The following DAGLA variants were observed in gnomAD, a reference collection of about 807,000 sequenced individuals.
DAGLA encodes the protein diacylglycerol lipase-alpha.
Under a neutral mutation model 102.6 loss-of-function variants are expected in DAGLA, and 22 were observed. The ratio of observed to expected loss-of-function variants is 0.21; its 90% confidence interval spans 0.15 to 0.31. The LOEUF is 0.31. DAGLA is among the 10% of genes least tolerant of loss of function. The pLI, the probability that DAGLA is intolerant of heterozygous loss-of-function variation, is 1.00. For synonymous variants in DAGLA, 578 were observed against 628.9 expected, an observed-to-expected ratio of 0.92 and a Z score of 1.21; for missense variants, 927 against 1,446.6, an observed-to-expected ratio of 0.64 and a Z score of 5.83.
intron 1 of DAGLA, among the ~76,000 whole-genome samples, chr11:61,694,632 G>A (rs1379915836): frequency 3.3e-5 from 5 of 152,204 alleles, no homozygotes; most frequent in Non-Finnish European, 5.9e-5. Flanking sequence ...GCCAGGCTTT[G>A]TGTCTGATAC....
chr11:61,697,179 C>T (rs758310053), intron 1 of DAGLA, among the ~76,000 whole-genome samples: 1 of 152,214 alleles, frequency 6.6e-6, no homozygotes, highest in Non-Finnish European at 1.5e-5. Context: ...TCCAGTGACT[C>T]TGATGAGGCT....
rs2065478423 is a variant in DAGLA, at chr11:61,741,359, G to C, written c.2171+10G>C. The C allele has an allele frequency of 2.5e-6, 4 of 1,601,654 alleles. No individual in the cohort carries two copies. In the African/African-American group the frequency reaches 4.0e-5, roughly 16 times the overall value. On this transcript the variant is annotated intron_variant, in intron 19 of 19. Transcript: ENST00000257215. ...GCAACAGCAGCGTCAGGTGAGCCTT[G>C]GCCACTCCCAGCCCCACCCCAGGGT...
At chr11:61,700,705 CCCTGCAGT>C (rs1382582209) in intron 1 of DAGLA, among the ~76,000 whole-genome samples, 1 of 152,236 alleles carries the variant, frequency 6.6e-6, no homozygotes, top group Non-Finnish European at 1.5e-5. Flanking sequence ...GTGCCTCCCT[CCCTGCAGT>C]CCTGCACAGC....
chr11:61,695,331 C>G (rs1056097489), intron 1 of DAGLA, among the ~76,000 whole-genome samples: 1 of 152,214 alleles, frequency 6.6e-6, no homozygotes, highest in African/African-American at 2.4e-5. Flanking sequence ...GCATCAGTGT[C>G]GGAGCTCTGT....
At chr11:61,725,932 T>C in intron 5 of DAGLA, 63 bp from the exon 6 acceptor site, 3 of 1,469,422 alleles carry the variant, frequency 2.0e-6, no homozygotes, top group Non-Finnish European at 2.9e-6. Context: ...CCATAACGTC[T>C]GGGTCCCAGC....
rs551433572 is a variant in DAGLA, at chr11:61,722,977, C to G, written c.409+17C>G. 13 of 1,587,574 alleles carry G rather than the reference C, an allele frequency of 8.2e-6. No homozygotes were observed. The highest frequency in any genetic ancestry group is 1.3e-5 in the African/African-American group (1 of 74,364). Reference sequence around the variant, plus strand: ...TCACCCTCGGTACGTCTGGGTGAGGCCTGCTGGAGCCTCAGCAGCCCCGGG... The same window carrying G: ...TCACCCTCGGTACGTCTGGGTGAGGGCTGCTGGAGCCTCAGCAGCCCCGGG... On this transcript the variant is annotated intron_variant, in intron 4 of 19. Transcript: ENST00000257215.
intron 9 of DAGLA, among the ~76,000 whole-genome samples, chr11:61,731,934 G>A (rs2065378871): frequency 6.6e-6 from 1 of 152,148 alleles, no homozygotes; most frequent in African/African-American, 2.4e-5. Context: ...ATCCATAGAG[G>A]TCTTTGAAAA....
At chr11:61,681,038 A>G (rs1005000012) in intron 1 of DAGLA, among the ~76,000 whole-genome samples, 17 of 152,178 alleles carry the variant, frequency 1.1e-4, no homozygotes, top group African/African-American at 4.1e-4. Context: ...AGTTCCTGGC[A>G]TGACTGTGAG....
chr11:61,729,429 G>A (rs1434666651), intron 8 of DAGLA, among the ~76,000 whole-genome samples: 1 of 152,160 alleles, frequency 6.6e-6, no homozygotes, highest in Non-Finnish European at 1.5e-5. Flanking sequence ...GAAAGGTGGT[G>A]CCAGTAACAT....
chr11:61,693,285 G>T (rs529079905), intron 1 of DAGLA, among the ~76,000 whole-genome samples: 1 of 151,528 alleles, frequency 6.6e-6, no homozygotes, highest in African/African-American at 2.4e-5. Context: ...ACTGCACCCA[G>T]CTAGTTTCTA....
intron 1 of DAGLA, among the ~76,000 whole-genome samples, 155 bp from the exon 2 acceptor site, chr11:61,719,957 C>A (rs1591040837): frequency 6.6e-6 from 1 of 152,212 alleles, no homozygotes; most frequent in Non-Finnish European, 1.5e-5. Flanking sequence ...TGTGTTGGCT[C>A]CTGCCCGGAG....
In DAGLA at chr11:61,720,100, G is replaced by T. The variant is rs999756581; in HGVS notation, c.-44-12G>T. On this transcript the variant is annotated splice_polypyrimidine_tract_variant and intron_variant, in intron 1 of 19. Transcript: ENST00000257215. ...TCCTCAGGCAGCTATAAGGTCCTCT[G>T]CTTTCTTTCAGGAGGTGAGCACCAG... is the stretch of plus-strand genomic sequence containing the variant. 9 of 1,584,214 alleles carry T rather than the reference G, an allele frequency of 5.7e-6. No individual in the cohort carries two copies. The highest frequency in any genetic ancestry group is 6.9e-6 in the Non-Finnish European group (8 of 1,161,518).
intron 6 of DAGLA, among the ~76,000 whole-genome samples, chr11:61,727,890 TG>T (rs1246097111): frequency 2.0e-5 from 3 of 152,182 alleles, no homozygotes; most frequent in African/African-American, 4.8e-5. Flanking sequence ...TGGTAGACAG[TG>T]GGCACCATGC....
rs2064990330 is a variant in DAGLA at position 61,686,972 on chromosome 11, G to A, written c.-45+6468G>A. On this transcript the variant is annotated intron_variant, in intron 1 of 19. Coordinates refer to ENST00000257215, the MANE Select transcript of DAGLA (RefSeq NM_006133.3). This position sits in a 1 kb window ranked among gnomAD's most constrained non-coding sequence, Gnocchi z 5.2. ...GCTTTCTCAAAGCCTTTCAGGTTTG[G>A]GGTCAGGGAGGGCACCAGGGCGTGT... Among the ~76,000 whole-genome samples, 1 of 152,136 alleles carries A rather than the reference G, an allele frequency of 6.6e-6. No individual in the cohort carries two copies. The highest frequency in any genetic ancestry group is 2.4e-5 in the African/African-American group (1 of 41,410).
chr11:61,726,307 T>C (rs1175674143), intron 6 of DAGLA, among the ~76,000 whole-genome samples: 1 of 151,734 alleles, frequency 6.6e-6, no homozygotes, highest in Admixed American at 6.6e-5. Flanking sequence ...AACAGAAAGC[T>C]GTGAAGACTG....
In DAGLA at chr11:61,684,066, G is replaced by A. The variant is rs2064966296; in HGVS notation, c.-45+3562G>A. ...GGGGAGCCAGGCATCTGTGGCCAGA[G>A]GATGCTGGACCAGAGCTGACAGCAG... On this transcript the variant is annotated intron_variant, in intron 1 of 19. Coordinates refer to ENST00000257215, the MANE Select transcript of DAGLA (RefSeq NM_006133.3). This position sits in a 1 kb window ranked among gnomAD's most constrained non-coding sequence, Gnocchi z 4.5. Among the ~76,000 whole-genome samples the A allele has an allele frequency of 6.6e-6, 1 of 152,228 alleles. No individual in the cohort carries two copies. Among genetic ancestry groups the A allele is most frequent in the Non-Finnish European group, 1.5e-5 (1 of 68,038 alleles).
chr11:61,682,822 C>G (rs926220767), intron 1 of DAGLA, among the ~76,000 whole-genome samples: 5 of 91,692 alleles, frequency 5.5e-5, no homozygotes, highest in Non-Finnish European at 8.3e-5. Context: ...GATGGTTCTG[C>G]GGGAGGTTGA....
intron 5 of DAGLA, 37 bp downstream of exon 5, chr11:61,723,609 G>A (rs1344878300): frequency 6.2e-7 from 1 of 1,601,912 alleles, no homozygotes; most frequent in Non-Finnish European, 8.5e-7. Context: ...CCCAGGGTGG[G>A]CTTTGCTGTC....
In DAGLA at chr11:61,728,800, A is replaced by T; in HGVS notation, c.772-131A>T. 7.0e-6 allele frequency: 5 copies of T among 714,650 alleles called. No individual in the cohort carries two copies. In the East Asian group the frequency reaches 8.0e-5, roughly 11 times the overall value. The allele number at this position is 714,650 out of a possible 1,614,324, so 44.3% of individuals were successfully genotyped here. A position where few individuals can be genotyped will look rare whatever the true frequency, so the allele number is the denominator to read the frequency against. ...AAAGTGGCTGAATCTTGGAAGAACTAGAAGCTGCATGCTCGTTTGGGCTTC... is the reference window on the plus strand; with the variant it reads ...AAAGTGGCTGAATCTTGGAAGAACTTGAAGCTGCATGCTCGTTTGGGCTTC... On this transcript the variant is annotated intron_variant, in intron 7 of 19. Transcript: ENST00000257215.
Sources: gnomAD v4.1 joint callset for allele counts (sites outside exome capture counted in the v4.1 genomes callset) on GRCh38, gnomAD v4.1.1 for gene constraint, Gnocchi (gnomAD v3.1) non-coding constraint, MANE v1.5 for transcripts, NCBI Gene and HGNC (gene_info 2026-07-23, HGNC 2026-07-21) for gene names.